RIC1: variants seen among roughly 807,000 people sequenced by gnomAD.
RIC1 encodes the protein guanine nucleotide exchange factor subunit RIC1.
In RIC1, 88 loss-of-function variants were observed where a neutral mutation model predicts 169.0. The ratio of observed to expected loss-of-function variants is 0.52; its 90% confidence interval spans 0.44 to 0.62. The LOEUF (loss-of-function observed/expected upper bound fraction) is 0.62, where lower values mean the gene tolerates loss of function less well. Ranked by LOEUF, RIC1 falls within the 20% of genes least tolerant of loss-of-function variation. The pLI, the probability that RIC1 is intolerant of heterozygous loss-of-function variation, is 0.00. For missense variants in RIC1, 1,877 were observed against 1,725.5 expected, an observed-to-expected ratio of 1.09 and a Z score of -1.56; for synonymous variants, 790 against 601.5, an observed-to-expected ratio of 1.31 and a Z score of -4.59.
In RIC1 at chr9:5,763,036, AT is replaced by A. The variant is rs1253915798; in HGVS notation, c.2113-103del. On this transcript the variant is annotated intron_variant, in intron 18 of 25. Coordinates refer to ENST00000414202, the MANE Select transcript of RIC1 (RefSeq NM_020829.4). This position sits in a 1 kb window ranked among gnomAD's most constrained non-coding sequence, Gnocchi z 5.2. Reference sequence around the variant, plus strand: ...AGATCCCTTTGCTTTTCCCAAAAAAATATTATACTATCATTTGAAAGACTTA... The same window carrying A: ...AGATCCCTTTGCTTTTCCCAAAAAAAATTATACTATCATTTGAAAGACTTA... The A allele has an allele frequency of 2.0e-5, 27 of 1,376,090 alleles. No homozygotes were observed. The highest frequency in any genetic ancestry group is 2.4e-5 in the East Asian group (1 of 41,856). The allele number at this position is 1,376,090 out of a possible 1,614,324, so 85.2% of individuals were successfully genotyped here. A position where few individuals can be genotyped will look rare whatever the true frequency, so the allele number is the denominator to read the frequency against.
At chr9:5,678,773 A>T (rs1448460587) in intron 2 of RIC1, among the ~76,000 whole-genome samples, 3 of 151,754 alleles carry the variant, frequency 2.0e-5, no homozygotes, top group South Asian at 2.1e-4. Context: ...GGTTGCAAAA[A>T]TTTTTTCCCA....
intron 3 of RIC1, among the ~76,000 whole-genome samples, chr9:5,700,014 C>CT (rs374631629): frequency 0.091 from 12,926 of 142,566 alleles, 1,064 homozygotes; most frequent in African/African-American, 0.22. Context: ...AAAATTCCTA[C>CT]TTTTTTTTTT....
At position 5,757,316 on chromosome 9, in the gene RIC1, A is replaced by C; in HGVS notation, c.1857A>C (p.Pro619=). The C allele has an allele frequency of 6.2e-7, 1 of 1,614,046 alleles. No homozygotes were observed. Among genetic ancestry groups the C allele is most frequent in the Non-Finnish European group, 8.5e-7 (1 of 1,179,910 alleles). The change falls in exon 17 of 26, where the codon CCA becomes CCC. Residue 619 remains proline, a synonymous_variant. Transcript: ENST00000414202. The part of the protein sequence containing the change: ...LYSIERKSDG[P]NTTAGIQVLQ... ...TGGGTTTCTTTTGTTTTTACAGTCCAAATACTACTGCTGGTATTCAAGTTC... is the reference window on the plus strand; with the variant it reads ...TGGGTTTCTTTTGTTTTTACAGTCCCAATACTACTGCTGGTATTCAAGTTC...
chr9:5,757,264 T>C, intron 16 of RIC1, 49 bp from the exon 17 acceptor site: 4 of 1,602,436 alleles, frequency 2.5e-6, no homozygotes, highest in Non-Finnish European at 3.4e-6. Flanking sequence ...AGAAAGAAAA[T>C]CTTATTAGCA....
At chr9:5,692,068 T>C (rs1261526378) in intron 3 of RIC1, among the ~76,000 whole-genome samples, 3 of 152,096 alleles carry the variant, frequency 2.0e-5, no homozygotes, top group Admixed American at 2.0e-4. Context: ...GGCAGAGAAC[T>C]AAATAAAAAA....
chr9:5,746,134 C>G (rs1389723706), intron 11 of RIC1, 51 bp downstream of exon 11: 1 of 1,459,502 alleles, frequency 6.9e-7, no homozygotes, highest in Non-Finnish European at 9.5e-7. Flanking sequence ...GTTAGAAGCT[C>G]AGACCCTTCT....
chr9:5,656,155 C>T (rs540713468), intron 1 of RIC1, among the ~76,000 whole-genome samples: 5 of 152,196 alleles, frequency 3.3e-5, no homozygotes, highest in Non-Finnish European at 5.9e-5. Context: ...CAGGCATGAG[C>T]CACCGCGCCT....
At chr9:5,678,347 A>G (rs201699275) in intron 2 of RIC1, among the ~76,000 whole-genome samples, 1 of 151,896 alleles carries the variant, frequency 6.6e-6, no homozygotes, top group East Asian at 1.9e-4. Flanking sequence ...ATTTATAGTC[A>G]TTTGGGTATA....
At chr9:5,681,431 G>A (rs995737750) in intron 2 of RIC1, among the ~76,000 whole-genome samples, 6 of 152,208 alleles carry the variant, frequency 3.9e-5, no homozygotes, top group African/African-American at 1.4e-4. Flanking sequence ...AGGTTGTTCA[G>A]TGTCCATGTA....
chr9:5,661,772 G>T (rs1019014195), intron 2 of RIC1, among the ~76,000 whole-genome samples: 2 of 152,166 alleles, frequency 1.3e-5, no homozygotes, highest in East Asian at 3.8e-4. Context: ...CATGTCATCT[G>T]CAAACAAAGA....
intron 2 of RIC1, among the ~76,000 whole-genome samples, chr9:5,688,558 T>C (rs1821394573): frequency 2.0e-5 from 3 of 152,216 alleles, no homozygotes; most frequent in Admixed American, 2.0e-4. Flanking sequence ...AAATTGCACA[T>C]AAAGAATTAG....
intron 2 of RIC1, among the ~76,000 whole-genome samples, chr9:5,671,433 G>A (rs533589373): frequency 6.6e-6 from 1 of 151,962 alleles, no homozygotes; most frequent in Non-Finnish European, 1.5e-5. Context: ...TCGCCACCAG[G>A]CCCAACTAAT....
At chr9:5,635,040 T>C (rs1267657290) in intron 1 of RIC1, among the ~76,000 whole-genome samples, 1 of 152,116 alleles carries the variant, frequency 6.6e-6, no homozygotes, top group African/African-American at 2.4e-5. Context: ...CACTCTGGAG[T>C]ACAGAGTCAT....
At chr9:5,730,805 A>T (rs1295376386) in intron 6 of RIC1, among the ~76,000 whole-genome samples, 2 of 152,144 alleles carry the variant, frequency 1.3e-5, no homozygotes, top group African/African-American at 4.8e-5. Context: ...TCTTCTATAT[A>T]ACTTGAAGAA....
At chr9:5,752,694 C>A (rs1442977814) in intron 12 of RIC1, among the ~76,000 whole-genome samples, 1 of 152,100 alleles carries the variant, frequency 6.6e-6, no homozygotes, top group Non-Finnish European at 1.5e-5. Flanking sequence ...CCTCGGCCTC[C>A]CAAAGTGCTG....
chr9:5,764,895 C>G (rs1223035239), intron 19 of RIC1, among the ~76,000 whole-genome samples: 4 of 152,252 alleles, frequency 2.6e-5, no homozygotes, highest in African/African-American at 7.2e-5. Context: ...TCCATAAAGA[C>G]CAAGATAGGC....
chr9:5,664,131 C>A (rs560980956), intron 2 of RIC1, among the ~76,000 whole-genome samples: 1 of 152,124 alleles, frequency 6.6e-6, no homozygotes, highest in Non-Finnish European at 1.5e-5. Flanking sequence ...TAATATTGGC[C>A]AGGTGTGGTG....
At chr9:5,765,925 CA>C in intron 21 of RIC1, 127 bp downstream of exon 21, 1 of 1,193,908 alleles carries the variant, frequency 8.4e-7, no homozygotes, top group Non-Finnish European at 1.2e-6. Context: ...TTTCCATTCC[CA>C]AAAAGCAGAG....
intron 3 of RIC1, among the ~76,000 whole-genome samples, chr9:5,710,990 A>G (rs1822897121): frequency 6.6e-6 from 1 of 152,198 alleles, no homozygotes; most frequent in Non-Finnish European, 1.5e-5. Context: ...GAAGCTTATT[A>G]TTATATTAAG....
Sources: gnomAD v4.1 joint callset for allele counts (sites outside exome capture counted in the v4.1 genomes callset) on GRCh38, gnomAD v4.1.1 for gene constraint, Gnocchi (gnomAD v3.1) non-coding constraint, MANE v1.5 for transcripts, NCBI Gene and HGNC (gene_info 2026-07-23, HGNC 2026-07-21) for gene names.